The following EYA1 variants were observed in gnomAD, a reference collection of about 807,000 sequenced individuals.
EYA1 encodes protein phosphatase EYA1.
Under a neutral mutation model 82.0 loss-of-function variants are expected in EYA1, and 16 were observed. That is an observed-to-expected ratio of 0.20 (90% CI 0.13 to 0.30). The LOEUF (loss-of-function observed/expected upper bound fraction) is 0.30, where lower values mean the gene tolerates loss of function less well. EYA1 is among the 10% of genes least tolerant of loss of function. The pLI, the probability that EYA1 is intolerant of heterozygous loss-of-function variation, is 1.00. For synonymous variants in EYA1, 261 were observed against 264.4 expected (o/e 0.99, Z 0.12); for missense variants, 633 against 730.7 (o/e 0.87, Z 1.54).
rs114012835 is a variant in EYA1 at position 71,257,399 on chromosome 8, A to G, written c.1050+12341T>C. Among the ~76,000 whole-genome samples the G allele has an allele frequency of 4.8e-3, 725 of 152,308 alleles. 6 individuals carry two copies. Among genetic ancestry groups the G allele is most frequent in the African/African-American group, 0.017 (707 of 41,574 alleles). On this transcript the variant is annotated intron_variant, in intron 11 of 17. Transcript: ENST00000340726. ...AAAAAATATAAAAATATTCACTAAGACAAGATTGGCTGTTTTTGGTGGTGA... is the reference window on the plus strand; with the variant it reads ...AAAAAATATAAAAATATTCACTAAGGCAAGATTGGCTGTTTTTGGTGGTGA...
chr8:71,287,616 C>T (rs1192955670), intron 9 of EYA1, among the ~76,000 whole-genome samples: 1 of 152,204 alleles, frequency 6.6e-6, no homozygotes, highest in Non-Finnish European at 1.5e-5. Flanking sequence ...TCCCCACAGT[C>T]ATTCTACATG....
intron 2 of EYA1, among the ~76,000 whole-genome samples, chr8:71,439,255 A>G (rs1189862161): frequency 6.6e-6 from 1 of 152,190 alleles, no homozygotes; most frequent in Non-Finnish European, 1.5e-5. Flanking sequence ...ACTCAGTACC[A>G]TCTATCAAGT....
intron 3 of EYA1, among the ~76,000 whole-genome samples, chr8:71,349,395 GA>G (rs1473334751): frequency 1.3e-5 from 2 of 152,242 alleles, no homozygotes; most frequent in Non-Finnish European, 2.9e-5. Flanking sequence ...GCCATCTGCA[GA>G]TGATGCAAAT....
At chr8:71,346,097 T>C (rs898327569) in intron 3 of EYA1, among the ~76,000 whole-genome samples, 1 of 151,986 alleles carries the variant, frequency 6.6e-6, no homozygotes, top group African/African-American at 2.4e-5. Flanking sequence ...CTCTCTTTCT[T>C]CCTGGCATGG....
chr8:71,529,316 A>C (rs142393418), intron 2 of EYA1: 1 of 152,342 alleles, frequency 6.6e-6, no homozygotes, highest in East Asian at 1.9e-4. Context: ...CATTGTTGCT[A>C]TCAGATAGAT....
At chr8:71,363,076 G>A (rs1200625299), upstream of EYA1, among the ~76,000 whole-genome samples, 1 of 151,872 alleles carries the variant, frequency 6.6e-6, no homozygotes, top group Non-Finnish European at 1.5e-5. Flanking sequence ...AAGCCCATCG[G>A]ATTTTTCTTA....
At chr8:71,393,521 C>T (rs189246761) in intron 2 of EYA1, among the ~76,000 whole-genome samples, 2 of 152,260 alleles carry the variant, frequency 1.3e-5, no homozygotes, top group East Asian at 3.9e-4. Context: ...GTTCAATTCC[C>T]ACCTATGAGT....
intron 5 of EYA1, 114 bp from the exon 6 acceptor site, chr8:71,321,993 T>G: frequency 1.3e-5 from 19 of 1,422,888 alleles, no homozygotes; most frequent in Non-Finnish European, 1.9e-5. Context: ...AAAGTAAAAC[T>G]TTCACACAGA....
chr8:71,259,795 A>T (rs1465284549), intron 11 of EYA1, among the ~76,000 whole-genome samples: 1 of 152,202 alleles, frequency 6.6e-6, no homozygotes, highest in Non-Finnish European at 1.5e-5. Context: ...TGAGTATAAA[A>T]ACAAAATATC....
At chr8:71,424,986 C>T (rs771744913) in intron 2 of EYA1, among the ~76,000 whole-genome samples, 1 of 151,360 alleles carries the variant, frequency 6.6e-6, no homozygotes, top group East Asian at 1.9e-4. Flanking sequence ...TTAGGCCGGG[C>T]GCGGTGGCTC....
At chr8:71,408,215 G>T (rs1830381565) in intron 2 of EYA1, among the ~76,000 whole-genome samples, 1 of 151,922 alleles carries the variant, frequency 6.6e-6, no homozygotes, top group Non-Finnish European at 1.5e-5. Context: ...AAGAGCTCCT[G>T]AAGGAAGCGC....
At chr8:71,354,965 T>C in intron 2 of EYA1, 56 bp from the exon 3 acceptor site, 1 of 1,564,688 alleles carries the variant, frequency 6.4e-7, no homozygotes, top group Non-Finnish European at 8.8e-7. Context: ...ACACCACCAT[T>C]TAATGCGCTA....
rs139358709 is a variant in EYA1, at chr8:71,228,890, C to T, written c.1141-11867G>A. ...GTAAAGCCCTTCCTCTTCCAACCCACCCTGGGCAGCACGTTCAGATACATT... is the reference window on the plus strand; with the variant it reads ...GTAAAGCCCTTCCTCTTCCAACCCATCCTGGGCAGCACGTTCAGATACATT... On this transcript the variant is annotated intron_variant, in intron 12 of 17. Coordinates refer to ENST00000340726, the MANE Select transcript of EYA1 (RefSeq NM_000503.6). Among the ~76,000 whole-genome samples the T allele has an allele frequency of 7.2e-5, 11 of 152,272 alleles. No homozygotes were observed. The East Asian group carries it at 1.5e-3, about 21-fold the overall frequency.
intron 9 of EYA1, among the ~76,000 whole-genome samples, chr8:71,273,762 A>G (rs1003744412): frequency 6.6e-6 from 1 of 152,214 alleles, no homozygotes; most frequent in Non-Finnish European, 1.5e-5. Context: ...ACTTTACTAC[A>G]AAGTCTCTCT....
intron 12 of EYA1, among the ~76,000 whole-genome samples, chr8:71,232,805 C>T (rs1238699351): frequency 6.6e-6 from 1 of 152,012 alleles, no homozygotes; most frequent in Non-Finnish European, 1.5e-5. Context: ...ACTTTCCCTT[C>T]GTCCCCTACA....
chr8:71,239,822 TATAGAG>T (rs1812264559), intron 12 of EYA1, among the ~76,000 whole-genome samples: 2 of 152,182 alleles, frequency 1.3e-5, no homozygotes, highest in African/African-American at 4.8e-5. Flanking sequence ...CTTCTTTATT[TATAGAG>T]AATAAAGGAC....
intron 2 of EYA1, among the ~76,000 whole-genome samples, chr8:71,520,220 C>G (rs185731771): frequency 6.6e-6 from 1 of 151,770 alleles, no homozygotes; most frequent in East Asian, 2.0e-4. Context: ...TTGGCCCCCC[C>G]CTCCACTGAG....
chr8:71,432,560 C>T (rs1039774368), intron 2 of EYA1, among the ~76,000 whole-genome samples: 67 of 152,132 alleles, frequency 4.4e-4, no homozygotes, highest in Non-Finnish European at 4.3e-4. Context: ...GTCGCCTTCC[C>T]CATGTCCTCA....
In EYA1 at chr8:71,334,150, C is replaced by T; in HGVS notation, c.149G>A (p.Ser50Asn). 6.2e-7 allele frequency: 1 copy of T among 1,613,572 alleles called. No homozygotes were observed. Residue 50 changes from serine (S) to asparagine (N), a missense_variant, in exon 4 of 18, where the codon AGT (serine) becomes AAT (asparagine). Coordinates refer to ENST00000340726, the MANE Select transcript of EYA1 (RefSeq NM_000503.6). ...GTCGGCTGTCGTTGAAGCTGTTTCA[C>T]TGCTGCTCATTGGCTCTGTTTTAAC... ...TEVKTEPMSS[S>N]ETASTTADGS...
Sources: gnomAD v4.1 joint callset for allele counts (sites outside exome capture counted in the v4.1 genomes callset) on GRCh38, gnomAD v4.1.1 for gene constraint, MANE v1.5 for transcripts, NCBI Gene and HGNC (gene_info 2026-07-23, HGNC 2026-07-21) for gene names.